Variants in SHISA9 observed in about 807,000 individuals in gnomAD.
The protein encoded by SHISA9 is shisa family member 9.
SHISA9 carries 13 observed loss-of-function variants against 38.0 expected under a neutral mutation model. The ratio of observed to expected loss-of-function variants is 0.34; its 90% CI spans 0.22 to 0.54. The LOEUF (loss-of-function observed/expected upper bound fraction) is 0.54, where lower values mean the gene tolerates loss of function less well. Ranked by LOEUF, SHISA9 falls within the 20% of genes least tolerant of loss-of-function variation. The pLI is 0.91. For missense variants in SHISA9, 538 were observed against 575.8 expected (o/e 0.93, Z 0.67); for synonymous variants, 275 against 242.0 (o/e 1.14, Z -1.27).
At chr16:13,165,211 A>G (rs989490149) in intron 2 of SHISA9, among the ~76,000 whole-genome samples, 1 of 151,980 alleles carries the variant, frequency 6.6e-6, no homozygotes, top group Non-Finnish European at 1.5e-5. Flanking sequence ...AGGAACACTG[A>G]TTCTATGTAT....
the SHISA9 span, among the ~76,000 whole-genome samples, chr16:13,553,624 C>G: frequency 2.0e-5 from 3 of 152,168 alleles, no homozygotes; most frequent in South Asian, 4.1e-4. Context: ...TGAGCATTTC[C>G]TGGCTTGTGA....
chr16:13,213,394 C>CTATGCAGACACACA, intron 4 of SHISA9, 94 bp downstream of exon 4: 1 of 1,200,112 alleles, frequency 8.3e-7, no homozygotes, highest in Non-Finnish European at 1.2e-6. Flanking sequence ...TCTGTGTGAC[C>CTATGCAGACACACA]TGTGCACATG....
At position 12,902,241 on chromosome 16, in the gene SHISA9, G is replaced by T; in HGVS notation, c.177G>T (p.Glu59Asp). Residue 59 changes from glutamate (E) to aspartate (D), a missense_variant, in exon 1 of 5, where the codon GAG (glutamate) becomes GAT (aspartate). Physicochemically the swap from Glu to Asp is conservative, Grantham distance 45. This residue lies in a region of SHISA9 where 107 missense variants were observed against 103.0 expected (regional missense o/e 1.04). Transcript: ENST00000558583. The part of the protein sequence containing the change: ...AASGEASEGA[E>D]ASDAPPTRAP... ...CCGGAGAGGCCAGCGAGGGCGCTGA[G>T]GCATCGGACGCGCCCCCGACCCGGG... 1.3e-6 allele frequency: 2 copies of T among 1,543,486 alleles called. No homozygotes were observed. Among genetic ancestry groups the T allele is most frequent in the Non-Finnish European group, 1.7e-6 (2 of 1,146,462 alleles).
At chr16:13,511,291 T>C in the SHISA9 span, among the ~76,000 whole-genome samples, 1 of 152,204 alleles carries the variant, frequency 6.6e-6, no homozygotes, top group African/African-American at 2.4e-5. Context: ...CAAAACATTA[T>C]TTCAAACAAA....
At chr16:13,497,220 G>A in the SHISA9 span, among the ~76,000 whole-genome samples, 7 of 151,692 alleles carry the variant, frequency 4.6e-5, no homozygotes, top group Non-Finnish European at 7.4e-5. Context: ...ACATGTTTAC[G>A]ATGTGGAATG....
chr16:13,300,526 A>T, the SHISA9 span, among the ~76,000 whole-genome samples: 1 of 152,110 alleles, frequency 6.6e-6, no homozygotes, highest in Non-Finnish European at 1.5e-5. Flanking sequence ...ATTAATTGGG[A>T]ATTGGAGGCC....
chr16:13,246,896 A>G, the SHISA9 span, among the ~76,000 whole-genome samples: 1 of 151,930 alleles, frequency 6.6e-6, no homozygotes, highest in Non-Finnish European at 1.5e-5. Context: ...CATCATTATC[A>G]TCATTGTAGC....
chr16:13,382,352 A>T, the SHISA9 span, among the ~76,000 whole-genome samples: 1 of 151,674 alleles, frequency 6.6e-6, no homozygotes, highest in Admixed American at 6.6e-5. Flanking sequence ...ACATGGCAAA[A>T]CCCCGTCTCT....
the SHISA9 span, among the ~76,000 whole-genome samples, chr16:13,550,840 C>T: frequency 6.6e-6 from 1 of 152,186 alleles, no homozygotes; most frequent in African/African-American, 2.4e-5. Context: ...GTGATGGGCA[C>T]AGGCCAGGTG....
the SHISA9 span, among the ~76,000 whole-genome samples, chr16:13,299,718 A>AG: frequency 6.6e-6 from 1 of 151,742 alleles, no homozygotes; most frequent in African/African-American, 2.4e-5. Context: ...GTCAAAAAAA[A>AG]AAAAAACAAA....
intron 4 of SHISA9, among the ~76,000 whole-genome samples, chr16:13,229,498 T>C (rs2051310944): frequency 6.6e-6 from 1 of 152,320 alleles, no homozygotes; most frequent in Non-Finnish European, 1.5e-5. Flanking sequence ...AGGCTATCCC[T>C]GTGGTTCTCA....
At chr16:13,361,278 T>C in the SHISA9 span, among the ~76,000 whole-genome samples, 1 of 152,226 alleles carries the variant, frequency 6.6e-6, no homozygotes, top group Non-Finnish European at 1.5e-5. Context: ...TTGTCTTGAA[T>C]AAACCTGGTT....
chr16:13,435,557 C>G, the SHISA9 span, among the ~76,000 whole-genome samples: 3 of 152,162 alleles, frequency 2.0e-5, no homozygotes, highest in Non-Finnish European at 2.9e-5. Flanking sequence ...AGCTAATACA[C>G]AAACTATCCC....
chr16:13,289,060 G>A, the SHISA9 span, among the ~76,000 whole-genome samples: 2 of 152,148 alleles, frequency 1.3e-5, no homozygotes, highest in South Asian at 2.1e-4. Flanking sequence ...GAGAGAGTGA[G>A]TGGTAAATAG....
At chr16:13,362,332 G>T in the SHISA9 span, among the ~76,000 whole-genome samples, 3 of 152,106 alleles carry the variant, frequency 2.0e-5, no homozygotes, top group Admixed American at 6.5e-5. Context: ...CCACTTGGGA[G>T]GTTGAGGATG....
chr16:13,053,194 C>T (rs1043449998), intron 2 of SHISA9, among the ~76,000 whole-genome samples: 6 of 151,772 alleles, frequency 4.0e-5, no homozygotes, highest in Non-Finnish European at 8.8e-5. Context: ...AACTTCTGAC[C>T]TCCGGTGATC....
chr16:13,483,540 G>T, the SHISA9 span, among the ~76,000 whole-genome samples: 1 of 152,038 alleles, frequency 6.6e-6, no homozygotes, highest in Non-Finnish European at 1.5e-5. Context: ...AGCTTCCATA[G>T]CCTTTTTCCA....
In SHISA9 at chr16:13,074,350, G is replaced by A. The variant is rs556741628; in HGVS notation, c.692-129044G>A. Among the ~76,000 whole-genome samples, 149 of 152,214 alleles carry A rather than the reference G, an allele frequency of 9.8e-4. 1 individual carries two copies. The highest frequency in any genetic ancestry group is 3.5e-3 in the African/African-American group (144 of 41,534). ...AAACCAATACAAAGCCCTCCAGGTG[G>A]TTCTGATTCACAATAAAGTTTGAGA... On this transcript the variant is annotated intron_variant, in intron 2 of 4. Transcript: ENST00000558583.
the SHISA9 span, among the ~76,000 whole-genome samples, chr16:13,342,566 G>T: frequency 6.6e-6 from 1 of 152,140 alleles, no homozygotes; most frequent in African/African-American, 2.4e-5. Context: ...GACTACAGGG[G>T]TGAGCCTCCA....
Sources: allele counts gnomAD v4.1 joint callset (sites outside exome capture counted in the v4.1 genomes callset), GRCh38; gene constraint gnomAD v4.1.1; regional missense constraint gnomAD v4.1.1; transcripts MANE v1.5; gene names NCBI Gene and HGNC (gene_info 2026-07-23, HGNC 2026-07-21).